Variants in TMEFF2 observed in about 807,000 individuals in gnomAD.
The protein encoded by TMEFF2 is tomoregulin-2.
A neutral mutation model predicts 53.8 loss-of-function variants in TMEFF2; 28 were observed. The ratio of observed to expected loss-of-function variants is 0.52; its 90% CI spans 0.39 to 0.71. TMEFF2 has a LOEUF of 0.71. Among genes scored for constraint, TMEFF2 ranks in the 30% least tolerant of loss-of-function variants. The probability of loss-of-function intolerance (pLI) is 0.00; values close to 1 mark genes in which losing one functional copy is unlikely to be tolerated. For synonymous variants in TMEFF2, 162 were observed against 166.3 expected (o/e 0.97, Z 0.20); for missense variants, 353 against 455.2 (o/e 0.78, Z 2.04).
chr2:192,083,890 G>A (rs1028827721), intron 4 of TMEFF2, among the ~76,000 whole-genome samples: 3 of 151,904 alleles, frequency 2.0e-5, no homozygotes, highest in Non-Finnish European at 4.4e-5. Flanking sequence ...GGTAAAAGGG[G>A]TCTTAGAAAA....
At chr2:192,030,074 TGA>T (rs1206084108) in intron 5 of TMEFF2, among the ~76,000 whole-genome samples, 3 of 152,174 alleles carry the variant, frequency 2.0e-5, no homozygotes, top group Non-Finnish European at 2.9e-5. Flanking sequence ...GGCATGGAGA[TGA>T]GAGAGTCCAG....
chr2:191,971,941 T>C (rs905842487), intron 7 of TMEFF2, among the ~76,000 whole-genome samples: 1 of 152,122 alleles, frequency 6.6e-6, no homozygotes, highest in African/African-American at 2.4e-5. Flanking sequence ...GAGAAAGAGC[T>C]GGTCAGAGAT....
At chr2:192,172,554 A>G (rs1690942624) in intron 4 of TMEFF2, among the ~76,000 whole-genome samples, 1 of 151,950 alleles carries the variant, frequency 6.6e-6, no homozygotes, top group South Asian at 2.1e-4. Flanking sequence ...ATTTTTAGCA[A>G]TGATTTAAAG....
At chr2:192,098,797 T>G (rs1336538526) in intron 4 of TMEFF2, among the ~76,000 whole-genome samples, 1 of 152,196 alleles carries the variant, frequency 6.6e-6, no homozygotes, top group Non-Finnish European at 1.5e-5. Context: ...TCATAATTCA[T>G]TATTTGTATG....
At position 192,194,490 on chromosome 2, in the gene TMEFF2, C is replaced by A; in HGVS notation, c.35G>T (p.Ser12Ile). Residue 12 changes from serine (S) to isoleucine (I), a missense_variant, in exon 1 of 10, where the codon AGC becomes ATC. By Grantham distance (142) the Ser-to-Ile change is moderately radical. Coordinates refer to ENST00000272771, the MANE Select transcript of TMEFF2 (RefSeq NM_016192.4). The surrounding 1 kb of genome is among the most constrained non-coding windows in gnomAD (Gnocchi z 4.2). The part of the protein sequence containing the change: ...VLWESPRQCS[S>I]WTLCEGFCWL... ...GCAAAAGCCCTCGCAAAGTGTCCAG[C>A]TGCTGCACTGCCGCGGGGACTCCCA... 1 of 1,613,956 alleles carries A rather than the reference C, an allele frequency of 6.2e-7. No individual in the cohort carries two copies. The highest frequency in any genetic ancestry group is 8.5e-7 in the Non-Finnish European group (1 of 1,180,028).
Position 192,194,425 on chromosome 2 carries a change from G to C in TMEFF2, c.100C>G (p.Arg34Gly), listed in dbSNP as rs756479237. The change falls in exon 1 of 10, where the codon CGC becomes GGC. Residue 34 changes from arginine to glycine, a missense_variant. Arg to Gly is a moderately radical substitution (Grantham distance 125). This residue lies in a region of TMEFF2 where 54 missense variants were observed against 41.8 expected (regional missense o/e 1.29). Coordinates refer to ENST00000272771, the MANE Select transcript of TMEFF2 (RefSeq NM_016192.4). The surrounding 1 kb of genome is among the most constrained non-coding windows in gnomAD (Gnocchi z 4.2). ...GGGAAAGCAGCGAGCTTCACCGGGC[G>C]GGCTACGATGAGTAGCATGACGGGC... ...LLPVMLLIVA[R>G]PVKLAAFPTS... is the part of the protein sequence containing the mutation. 2.5e-6 allele frequency: 4 copies of C among 1,614,142 alleles called. No individual in the cohort carries two copies. Among genetic ancestry groups the C allele is most frequent in the Non-Finnish European group, 3.4e-6 (4 of 1,180,034 alleles).
chr2:192,125,547 ATAAAG>A (rs1364802786), intron 4 of TMEFF2, among the ~76,000 whole-genome samples: 2 of 152,198 alleles, frequency 1.3e-5, no homozygotes, highest in African/African-American at 4.8e-5. Flanking sequence ...TCAAGCAAAA[ATAAAG>A]TATTTAAGAG....
chr2:191,953,189 G>GGAAACAATTACCTTTTGAT (rs1315779369), intron 9 of TMEFF2, among the ~76,000 whole-genome samples: 1 of 152,134 alleles, frequency 6.6e-6, no homozygotes, highest in Non-Finnish European at 1.5e-5. Context: ...TGATTCTCCA[G>GGAAACAATTACCTTTTGAT]GAAACAATTA....
intron 4 of TMEFF2, among the ~76,000 whole-genome samples, chr2:192,083,200 TAGA>T (rs982788142): frequency 1.3e-5 from 2 of 150,962 alleles, no homozygotes; most frequent in African/African-American, 4.9e-5. Flanking sequence ...CAGGGAGGAG[TAGA>T]AGAATGACTG....
chr2:192,058,398 T>C (rs942083953), intron 4 of TMEFF2, among the ~76,000 whole-genome samples: 6 of 152,162 alleles, frequency 3.9e-5, no homozygotes, highest in African/African-American at 1.4e-4. Flanking sequence ...CAGTGATTCA[T>C]TGTTAGAGGG....
chr2:191,978,771 C>T (rs1228864983), intron 7 of TMEFF2, among the ~76,000 whole-genome samples: 1 of 152,190 alleles, frequency 6.6e-6, no homozygotes, highest in Non-Finnish European at 1.5e-5. Flanking sequence ...GGAAACATAA[C>T]TCCCACATGG....
chr2:192,040,872 G>A (rs1687459431), intron 5 of TMEFF2, among the ~76,000 whole-genome samples: 1 of 152,136 alleles, frequency 6.6e-6, no homozygotes, highest in Non-Finnish European at 1.5e-5. Context: ...ATTTGATGAT[G>A]AAAGGCTAGT....
At chr2:192,076,737 G>T (rs1459055688) in intron 4 of TMEFF2, among the ~76,000 whole-genome samples, 8 of 152,154 alleles carry the variant, frequency 5.3e-5, no homozygotes, top group Admixed American at 5.2e-4. Flanking sequence ...AAGCAATTTT[G>T]TATTACTGGA....
chr2:191,982,696 C>T (rs923106366), intron 7 of TMEFF2, among the ~76,000 whole-genome samples: 7 of 152,094 alleles, frequency 4.6e-5, no homozygotes, highest in African/African-American at 1.7e-4. Flanking sequence ...TTGAGTTTCT[C>T]ATGCTACATC....
intron 7 of TMEFF2, among the ~76,000 whole-genome samples, chr2:191,963,157 G>T (rs556274428): frequency 6.6e-6 from 1 of 152,256 alleles, no homozygotes; most frequent in East Asian, 1.9e-4. Flanking sequence ...TCTCCCCATT[G>T]AGTTTTCCCC....
intron 4 of TMEFF2, among the ~76,000 whole-genome samples, chr2:192,107,407 C>G (rs946629900): frequency 6.6e-6 from 1 of 151,696 alleles, no homozygotes; most frequent in African/African-American, 2.4e-5. Context: ...ACTTTATGTT[C>G]TCTTCTACTT....
At chr2:192,132,665 T>G (rs902368490) in intron 4 of TMEFF2, among the ~76,000 whole-genome samples, 1 of 152,072 alleles carries the variant, frequency 6.6e-6, no homozygotes, top group Non-Finnish European at 1.5e-5. Flanking sequence ...CGGCCAGGCG[T>G]TCCTCCAGGC....
chr2:192,098,373 G>A (rs1400783252), intron 4 of TMEFF2, among the ~76,000 whole-genome samples: 1 of 152,164 alleles, frequency 6.6e-6, no homozygotes, highest in Non-Finnish European at 1.5e-5. Flanking sequence ...TGATTTGTCT[G>A]CCATTCGGAA....
At chr2:192,112,273 CAGAGCTGCCCA>C (rs1689299540) in intron 4 of TMEFF2, among the ~76,000 whole-genome samples, 1 of 152,200 alleles carries the variant, frequency 6.6e-6, no homozygotes, top group South Asian at 2.1e-4. Flanking sequence ...GCAACAGGGG[CAGAGCTGCCCA>C]AGGCCATGGG....
Sources: gnomAD v4.1 joint callset for allele counts (sites outside exome capture counted in the v4.1 genomes callset) on GRCh38, gnomAD v4.1.1 for gene constraint, gnomAD v4.1.1 regional missense constraint, Gnocchi (gnomAD v3.1) non-coding constraint, MANE v1.5 for transcripts, NCBI Gene and HGNC (gene_info 2026-07-23, HGNC 2026-07-21) for gene names.